The following TAFA5 variants were observed in gnomAD, a reference collection of about 807,000 sequenced individuals.
The protein encoded by TAFA5 is TAFA chemokine like family member 5.
A neutral mutation model predicts 15.3 loss-of-function variants in TAFA5; 6 were observed. The ratio of observed to expected loss-of-function variants is 0.39; its 90% CI spans 0.21 to 0.77. The LOEUF (loss-of-function observed/expected upper bound fraction) is 0.77. TAFA5 is among the 30% of genes least tolerant of loss of function. The probability of loss-of-function intolerance (pLI) is 0.41; values close to 1 mark genes in which losing one functional copy is unlikely to be tolerated. For missense variants in TAFA5, 161 were observed against 193.1 expected, an observed-to-expected ratio of 0.83 and a Z score of 0.98; for synonymous variants, 103 against 80.7, an observed-to-expected ratio of 1.28 and a Z score of -1.48.
At chr22:48,518,142 C>T (rs1466014539) in intron 1 of TAFA5, among the ~76,000 whole-genome samples, 3 of 152,178 alleles carry the variant, frequency 2.0e-5, no homozygotes, top group Non-Finnish European at 4.4e-5. Context: ...TCAGGCCACC[C>T]GGTAGGTCTG....
At position 48,685,961 on chromosome 22, in the gene TAFA5, G is replaced by A. The variant is rs544283189; in HGVS notation, c.263-21756G>A. ...TACACACAGGCCCCACGTGCGCCCC[G>A]GGAGTACACGCAGGCCCCACGTGCG... is the stretch of plus-strand genomic sequence containing the variant. On this transcript the variant is annotated intron_variant, in intron 2 of 3. Coordinates refer to ENST00000402357, the MANE Select transcript of TAFA5 (RefSeq NM_001082967.3). Among the ~76,000 whole-genome samples the A allele has an allele frequency of 4.4e-4, 59 of 133,882 alleles. No individual in the cohort carries two copies. The South Asian group carries it at 0.012, about 26-fold the overall frequency. The allele number at this position is 133,882 out of a possible 152,430, so 87.8% of individuals were successfully genotyped here.
intron 1 of TAFA5, among the ~76,000 whole-genome samples, chr22:48,597,257 G>A (rs570744870): frequency 4.6e-5 from 7 of 152,126 alleles, no homozygotes; most frequent in Non-Finnish European, 8.8e-5. Flanking sequence ...CCTTCACCAC[G>A]CCACCATGGC....
chr22:48,584,666 C>G (rs1924264062), intron 1 of TAFA5, among the ~76,000 whole-genome samples: 1 of 147,446 alleles, frequency 6.8e-6, no homozygotes, highest in South Asian at 2.2e-4. Flanking sequence ...ACACACAGCA[C>G]AAATCACACA....
chr22:48,699,429 C>T (rs1928834182), intron 2 of TAFA5, among the ~76,000 whole-genome samples: 1 of 151,870 alleles, frequency 6.6e-6, no homozygotes, highest in African/African-American at 2.4e-5. Context: ...TTGCAGCACG[C>T]GTTTTGCAGG....
intron 1 of TAFA5, among the ~76,000 whole-genome samples, chr22:48,555,046 C>T (rs1307118722): frequency 6.6e-6 from 1 of 152,208 alleles, no homozygotes; most frequent in African/African-American, 2.4e-5. Context: ...GTTCCAGTGG[C>T]TGTCATGGCA....
intron 2 of TAFA5, among the ~76,000 whole-genome samples, chr22:48,703,035 G>T (rs1928962519): frequency 6.6e-6 from 1 of 152,244 alleles, no homozygotes; most frequent in Non-Finnish European, 1.5e-5. Flanking sequence ...GTGGGTGCAT[G>T]TGCAGATACA....
chr22:48,723,872 G>C (rs993930660), intron 3 of TAFA5, among the ~76,000 whole-genome samples: 4 of 152,240 alleles, frequency 2.6e-5, no homozygotes, highest in African/African-American at 9.6e-5. Flanking sequence ...CTCTGTGTAG[G>C]AAAAGGATTC....
chr22:48,675,327 G>A (rs1808170760), intron 2 of TAFA5, among the ~76,000 whole-genome samples: 1 of 152,244 alleles, frequency 6.6e-6, no homozygotes, highest in Non-Finnish European at 1.5e-5. Flanking sequence ...GCTTCCTGTG[G>A]CGGGGCCCCC....
rs563238521 is a variant in TAFA5, at chr22:48,516,567, C to T, written c.112+26863C>T. ...AACGCCTTGGAGAAGGCCATACCCA[C>T]GGCAAGGTGAGTGCAGCTCTGAACG... On this transcript the variant is annotated intron_variant, in intron 1 of 3. Transcript: ENST00000402357. Among the ~76,000 whole-genome samples, 10 of 152,340 alleles carry T rather than the reference C, an allele frequency of 6.6e-5. No individual in the cohort carries two copies. In the South Asian group the frequency reaches 1.9e-3, roughly 28 times the overall value.
Position 48,537,985 on chromosome 22 carries a change from A to G in TAFA5, c.112+48281A>G, listed in dbSNP as rs527377240. Among the ~76,000 whole-genome samples the G allele has an allele frequency of 1.1e-3, 164 of 152,310 alleles. 1 individual carries two copies. The highest frequency in any genetic ancestry group is 3.9e-3 in the African/African-American group (161 of 41,580). On this transcript the variant is annotated intron_variant, in intron 1 of 3. Coordinates refer to ENST00000402357, the MANE Select transcript of TAFA5 (RefSeq NM_001082967.3). The stretch of plus-strand genomic sequence containing the variant: ...GGGATGCCATGGATCCAGGCAGTGC[A>G]CGGACCTCTCTGTCACCAGCGCACG...
chr22:48,669,750 C>T (rs775444402), intron 2 of TAFA5, among the ~76,000 whole-genome samples: 3 of 152,320 alleles, frequency 2.0e-5, no homozygotes, highest in Non-Finnish European at 4.4e-5. Flanking sequence ...ACGTTTGTCA[C>T]CAGGCCCACC....
intron 1 of TAFA5, among the ~76,000 whole-genome samples, chr22:48,574,593 G>A (rs1923695218): frequency 6.6e-6 from 1 of 152,144 alleles, no homozygotes; most frequent in Admixed American, 6.5e-5. Context: ...GCCTTCATGT[G>A]AACCACATGC....
chr22:48,617,248 G>C (rs1925643234), intron 1 of TAFA5, among the ~76,000 whole-genome samples: 1 of 115,162 alleles, frequency 8.7e-6, no homozygotes, highest in Non-Finnish European at 2.1e-5. Context: ...GGAGGCAAAA[G>C]GGGCATGAGG....
At chr22:48,546,846 G>A (rs947669264) in intron 1 of TAFA5, 16 of 297,370 alleles carry the variant, frequency 5.4e-5, no homozygotes, top group African/African-American at 2.2e-4. Context: ...CCTCTCGTGC[G>A]GGGAGGACGA....
chr22:48,594,381 C>T (rs1460672733), intron 1 of TAFA5, among the ~76,000 whole-genome samples: 3 of 152,128 alleles, frequency 2.0e-5, no homozygotes, highest in Admixed American at 6.5e-5. Context: ...TCTGAGCACC[C>T]GGTGCACATA....
chr22:48,567,805 G>C (rs1229139730), intron 1 of TAFA5, among the ~76,000 whole-genome samples: 2 of 152,186 alleles, frequency 1.3e-5, no homozygotes, highest in East Asian at 3.9e-4. Flanking sequence ...CTGTCTGCAG[G>C]GTGGCCTGGG....
intron 1 of TAFA5, among the ~76,000 whole-genome samples, chr22:48,628,328 G>T (rs989833591): frequency 6.6e-6 from 1 of 152,198 alleles, no homozygotes; most frequent in Non-Finnish European, 1.5e-5. Flanking sequence ...CACACCCTCC[G>T]TGCCAGTCCC....
At position 48,616,882 on chromosome 22, in the gene TAFA5, G is replaced by A. The variant is rs185795872; in HGVS notation, c.113-29715G>A. On this transcript the variant is annotated intron_variant, in intron 1 of 3. Transcript: ENST00000402357. Reference sequence around the variant, plus strand: ...TGGTGGGCACGGCTGGGGTGGGAGCGTCTTGTCCGAGAGAGGCCTTCTATG... The same window carrying A: ...TGGTGGGCACGGCTGGGGTGGGAGCATCTTGTCCGAGAGAGGCCTTCTATG... 3.5e-3 allele frequency among the ~76,000 whole-genome samples: 536 copies of A among 152,274 alleles called. 3 individuals carry two copies. The highest frequency in any genetic ancestry group is 0.031 in the South Asian group (151 of 4,818).
At chr22:48,705,898 A>G (rs5771979) in intron 2 of TAFA5, among the ~76,000 whole-genome samples, 88,166 of 152,194 alleles carry the variant, frequency 0.58, 25,752 homozygotes, top group Middle Eastern at 0.67. Context: ...ATCCTGGGGA[A>G]CTACAGTTCT....
Sources: gnomAD v4.1 joint callset for allele counts (sites outside exome capture counted in the v4.1 genomes callset) on GRCh38, gnomAD v4.1.1 for gene constraint, MANE v1.5 for transcripts, NCBI Gene and HGNC (gene_info 2026-07-23, HGNC 2026-07-21) for gene names.